Variants in NKAIN2 observed in about 807,000 individuals in gnomAD.
NKAIN2 encodes the protein sodium/potassium transporting ATPase interacting 2, also known as sodium/potassium-transporting ATPase subunit beta-1-interacting protein 2.
In NKAIN2, 14 loss-of-function variants were observed where a neutral mutation model predicts 32.6. The observed-to-expected ratio is 0.43, with a 90% confidence interval of 0.28 to 0.67. The LOEUF is 0.67. NKAIN2 is among the 30% of genes least tolerant of loss of function. The pLI, the probability that NKAIN2 is intolerant of heterozygous loss-of-function variation, is 0.17. For synonymous variants in NKAIN2, 80 were observed against 87.2 expected (o/e 0.92, Z 0.46); for missense variants, 198 against 258.3 (o/e 0.77, Z 1.60).
At chr6:124,681,987 G>A (rs971965761) in intron 4 of NKAIN2, among the ~76,000 whole-genome samples, 2 of 151,716 alleles carry the variant, frequency 1.3e-5, no homozygotes, top group African/African-American at 2.4e-5. Context: ...GCAAGAGAAG[G>A]GTGAGAAAAA....
intron 4 of NKAIN2, among the ~76,000 whole-genome samples, chr6:124,765,647 T>C (rs1257951865): frequency 2.0e-5 from 3 of 152,344 alleles, no homozygotes; most frequent in Admixed American, 6.5e-5. Flanking sequence ...AATAAGAACA[T>C]GCACAAGCAT....
At chr6:124,764,398 A>T (rs1483157940) in intron 4 of NKAIN2, among the ~76,000 whole-genome samples, 1 of 152,174 alleles carries the variant, frequency 6.6e-6, no homozygotes, top group African/African-American at 2.4e-5. Context: ...TGTCAATGTT[A>T]TGATTTTTTA....
At chr6:124,432,721 C>G (rs952274711) in intron 3 of NKAIN2, among the ~76,000 whole-genome samples, 1 of 152,076 alleles carries the variant, frequency 6.6e-6, no homozygotes, top group Non-Finnish European at 1.5e-5. Flanking sequence ...GACTAGATCT[C>G]CAGCCTCTAT....
At chr6:124,010,946 T>G (rs1435336713) in intron 1 of NKAIN2, among the ~76,000 whole-genome samples, 1 of 152,172 alleles carries the variant, frequency 6.6e-6, no homozygotes, top group Non-Finnish European at 1.5e-5. Context: ...CTTATATCAT[T>G]TTTATTGATT....
intron 3 of NKAIN2, among the ~76,000 whole-genome samples, chr6:124,476,652 AG>A (rs1475077591): frequency 1.3e-5 from 2 of 152,166 alleles, no homozygotes; most frequent in African/African-American, 4.8e-5. Context: ...TGTCATAACA[AG>A]GGAAATATAC....
chr6:124,346,801 G>C (rs923504016), intron 2 of NKAIN2, among the ~76,000 whole-genome samples: 28 of 152,096 alleles, frequency 1.8e-4, no homozygotes, highest in African/African-American at 6.5e-4. Flanking sequence ...TTGCCAGTCT[G>C]TGCCTTTTAA....
intron 5 of NKAIN2, among the ~76,000 whole-genome samples, chr6:124,806,631 CATAACAATATTAACTTTA>C (rs2114846345): frequency 6.6e-6 from 1 of 151,944 alleles, no homozygotes; most frequent in African/African-American, 2.4e-5. Flanking sequence ...CAAATTCACA[CATAACAATATTAACTTTA>C]AATGTAAATG....
chr6:124,399,193 C>G (rs998409792), intron 3 of NKAIN2, among the ~76,000 whole-genome samples: 1 of 152,184 alleles, frequency 6.6e-6, no homozygotes, highest in African/African-American at 2.4e-5. Flanking sequence ...TCCCAAAATG[C>G]TGTGATTACA....
chr6:123,874,595 A>G (rs1257274151), intron 1 of NKAIN2, among the ~76,000 whole-genome samples: 1 of 152,182 alleles, frequency 6.6e-6, no homozygotes, highest in Non-Finnish European at 1.5e-5. Flanking sequence ...ACAAAATACT[A>G]ATGCAATTTT....
At chr6:123,929,959 C>A (rs116289599) in intron 1 of NKAIN2, among the ~76,000 whole-genome samples, 2 of 152,022 alleles carry the variant, frequency 1.3e-5, no homozygotes, top group Non-Finnish European at 2.9e-5. Context: ...GGATACTCAA[C>A]CTATAGTGAG....
At chr6:124,515,758 TCGGCTCACTGCAAGCTCCGCCTCCCGGG>T (rs1778889783) in intron 3 of NKAIN2, among the ~76,000 whole-genome samples, 2 of 408 alleles carry the variant, frequency 4.9e-3, no homozygotes, top group South Asian at 0.1. Context: ...TGGCGCGATC[TCGGCTCACTGCAAGCTCCGCCTCCCGGG>T]TTCACGCCAT....
chr6:124,267,268 G>A (rs140857784), intron 1 of NKAIN2, among the ~76,000 whole-genome samples: 344 of 152,112 alleles, frequency 2.3e-3, no homozygotes, highest in African/African-American at 7.9e-3. Flanking sequence ...AGTTAACACC[G>A]TTTTCATGAA....
At chr6:124,665,369 G>T (rs1772737929) in intron 4 of NKAIN2, among the ~76,000 whole-genome samples, 1 of 152,100 alleles carries the variant, frequency 6.6e-6, no homozygotes, top group Non-Finnish European at 1.5e-5. Flanking sequence ...ATGGTCAGCT[G>T]ATCTTCAACA....
intron 3 of NKAIN2, among the ~76,000 whole-genome samples, chr6:124,382,461 G>A (rs1474695661): frequency 1.3e-5 from 2 of 152,126 alleles, no homozygotes; most frequent in Non-Finnish European, 2.9e-5. Context: ...TGTGTTCCTG[G>A]ATTGCAAGTT....
intron 1 of NKAIN2, among the ~76,000 whole-genome samples, chr6:124,256,885 G>GTTTCTTTTTTT (rs1793965376): frequency 1.3e-5 from 1 of 75,908 alleles, no homozygotes. Context: ...GCTTTCTGTT[G>GTTTCTTTTTTT]TTTTTTTTTT....
chr6:124,262,112 C>T (rs1794282335), intron 1 of NKAIN2, among the ~76,000 whole-genome samples: 1 of 152,032 alleles, frequency 6.6e-6, no homozygotes, highest in South Asian at 2.1e-4. Flanking sequence ...GTTAGTTGTT[C>T]CATAAATGTT....
chr6:123,971,003 C>A (rs778469990), intron 1 of NKAIN2, among the ~76,000 whole-genome samples: 1 of 152,114 alleles, frequency 6.6e-6, no homozygotes, highest in Non-Finnish European at 1.5e-5. Flanking sequence ...TGTAAAACAT[C>A]AAAATTGTTC....
chr6:124,218,404 A>G (rs1469920072), intron 1 of NKAIN2, among the ~76,000 whole-genome samples: 1 of 152,190 alleles, frequency 6.6e-6, no homozygotes, highest in Non-Finnish European at 1.5e-5. Flanking sequence ...GAGTTTCATC[A>G]TGAATTTATT....
chr6:124,067,971 C>A (rs1251679303), intron 1 of NKAIN2, among the ~76,000 whole-genome samples: 2 of 152,150 alleles, frequency 1.3e-5, no homozygotes, highest in African/African-American at 4.8e-5. Context: ...ATACCCAGCA[C>A]TGTTCTAAAA....
Sources: gnomAD v4.1 joint callset for allele counts (sites outside exome capture counted in the v4.1 genomes callset) on GRCh38, gnomAD v4.1.1 for gene constraint, MANE v1.5 for transcripts, NCBI Gene and HGNC (gene_info 2026-07-23, HGNC 2026-07-21) for gene names.